PRODH2: variants seen among roughly 807,000 people sequenced by gnomAD.
PRODH2 encodes proline dehydrogenase 2.
A neutral mutation model predicts 51.9 loss-of-function variants in PRODH2; 49 were observed. The ratio of observed to expected loss-of-function variants is 0.94; its 90% CI spans 0.75 to 1.20. The LOEUF is 1.20. Ranked by LOEUF, PRODH2 falls within the 50% of genes most tolerant of loss-of-function variation. PRODH2 has a pLI of 0.00. For missense variants in PRODH2, 597 were observed against 610.9 expected, an observed-to-expected ratio of 0.98 and a Z score of 0.24; for synonymous variants, 249 against 260.7, an observed-to-expected ratio of 0.96 and a Z score of 0.43.
chr19:35,807,258 CTG>C, intron 4 of PRODH2, 137 bp from the exon 5 acceptor site: 1 of 801,816 alleles, frequency 1.2e-6, no homozygotes, highest in Non-Finnish European at 2.0e-6. Flanking sequence ...TCACCACCTA[CTG>C]TGTGACCTTG....
chr19:35,804,852 C>T (rs1972487211), intron 7 of PRODH2, among the ~76,000 whole-genome samples: 1 of 152,134 alleles, frequency 6.6e-6, no homozygotes, highest in Non-Finnish European at 1.5e-5. Context: ...GGGAGGATGG[C>T]TTGGGCCTGG....
chr19:35,806,931 G>A (rs1254379602), intron 5 of PRODH2, 101 bp from the exon 6 acceptor site: 6 of 1,544,468 alleles, frequency 3.9e-6, no homozygotes, highest in Admixed American at 2.0e-5. Flanking sequence ...CGATGCAGGC[G>A]GCTGAGGGAG....
chr19:35,810,866 T>A (rs979000909), intron 4 of PRODH2, among the ~76,000 whole-genome samples: 43 of 152,148 alleles, frequency 2.8e-4, no homozygotes, highest in Non-Finnish European at 2.4e-4. Flanking sequence ...AGTGTGTGTA[T>A]TGGTTAAGGT....
chr19:35,800,861 T>G (rs1972412923), intron 9 of PRODH2, among the ~76,000 whole-genome samples: 1 of 152,078 alleles, frequency 6.6e-6, no homozygotes, highest in Admixed American at 6.6e-5. Context: ...CCCAGCTAAC[T>G]GTTTTTATTT....
rs923013604 is a variant in PRODH2 at position 35,806,838 on chromosome 19, C to T, written c.679-8G>A. 17 of 1,588,074 alleles carry T rather than the reference C, an allele frequency of 1.1e-5. No individual in the cohort carries two copies. The highest frequency in any genetic ancestry group is 2.3e-5 in the South Asian group (2 of 88,022). On this transcript the variant is annotated splice_region_variant and splice_polypyrimidine_tract_variant and intron_variant, in intron 5 of 9. Transcript: ENST00000653904. The stretch of plus-strand genomic sequence containing the variant: ...GTGCTGGGCCCGGGCATACTGATGG[C>T]GACAGAGACGACGGTCAGGGCCCCG...
intron 9 of PRODH2, 37 bp downstream of exon 9, chr19:35,802,154 C>G (rs769688634): frequency 5.0e-6 from 8 of 1,594,978 alleles, no homozygotes; most frequent in Non-Finnish European, 6.9e-6. Context: ...GGAGTAAGGC[C>G]TGGGGCTTGA....
intron 7 of PRODH2, among the ~76,000 whole-genome samples, chr19:35,805,435 T>G (rs1393622368): frequency 6.6e-6 from 1 of 151,840 alleles, no homozygotes; most frequent in African/African-American, 2.4e-5. Context: ...CCCGGCTAAT[T>G]TTTGTATTTT....
intron 8 of PRODH2, among the ~76,000 whole-genome samples, chr19:35,802,724 T>G (rs1326440586): frequency 1.3e-5 from 2 of 151,904 alleles, no homozygotes; most frequent in East Asian, 1.9e-4. Flanking sequence ...CCCAGCTGTT[T>G]TTTTTTTTTT....
intron 4 of PRODH2, 112 bp downstream of exon 4, chr19:35,811,850 T>C: frequency 9.6e-7 from 1 of 1,036,618 alleles, no homozygotes; most frequent in Non-Finnish European, 1.4e-6. Context: ...GCACTTCTGC[T>C]GGCTGTTCCA....
chr19:35,803,296 C>A (rs1400582911), intron 7 of PRODH2, among the ~76,000 whole-genome samples: 1 of 152,140 alleles, frequency 6.6e-6, no homozygotes, highest in African/African-American at 2.4e-5. Context: ...ACTCTGTTGC[C>A]CAGGCTGGAA....
At chr19:35,810,937 T>C (rs1016095766) in intron 4 of PRODH2, among the ~76,000 whole-genome samples, 3 of 152,158 alleles carry the variant, frequency 2.0e-5, no homozygotes, top group African/African-American at 7.2e-5. Flanking sequence ...AGAAAAAAAG[T>C]ACTGCGAATA....
Position 35,812,418 on chromosome 19 carries a change from G to A in PRODH2, c.313C>T (p.Leu105Phe). 2 of 1,614,248 alleles carry A rather than the reference G, an allele frequency of 1.2e-6. No homozygotes were observed. The highest frequency in any genetic ancestry group is 2.2e-5 in the East Asian group (1 of 44,888). The change falls in exon 2 of 10, where the codon CTC becomes TTC. Residue 105 changes from leucine to phenylalanine, a missense_variant. Physicochemically the swap from Leu to Phe is conservative, Grantham distance 22. Transcript: ENST00000653904. Reference protein sequence around the residue: ...GCVQQLRTLSLRPLLAVPTEE... With the variant: ...GCVQQLRTLSFRPLLAVPTEE... ...GTGGGCACTGCCAGCAGTGGTCGGA[G>A]GCTGAGGGTCCGCAGCTGCTGCACG...
At chr19:35,804,505 G>C (rs79443862) in intron 7 of PRODH2, among the ~76,000 whole-genome samples, 1 of 152,218 alleles carries the variant, frequency 6.6e-6, no homozygotes, top group Admixed American at 6.5e-5. Context: ...TAACAGAGTG[G>C]GGAGACTGAA....
intron 9 of PRODH2, among the ~76,000 whole-genome samples, chr19:35,801,240 C>T (rs1972421390): frequency 6.6e-6 from 1 of 151,742 alleles, no homozygotes; most frequent in Non-Finnish European, 1.5e-5. Context: ...CCAAGGCAGG[C>T]AGATCACCTG....
chr19:35,802,560 T>C, intron 8 of PRODH2: 1 of 499,194 alleles, frequency 2.0e-6, no homozygotes, highest in Admixed American at 3.2e-5. Context: ...TTAATGTGTT[T>C]GTTTGTTTGT....
At chr19:35,803,757 A>G (rs1972468047) in intron 7 of PRODH2, among the ~76,000 whole-genome samples, 1 of 152,230 alleles carries the variant, frequency 6.6e-6, no homozygotes, top group Non-Finnish European at 1.5e-5. Context: ...AAATGTCCAT[A>G]AATGGGGAAC....
At chr19:35,812,606 G>T (rs777145192) in intron 1 of PRODH2, 26 bp downstream of exon 1, 23 of 1,599,078 alleles carry the variant, frequency 1.4e-5, no homozygotes, top group Non-Finnish European at 2.0e-5. Context: ...GGAGCCTCCA[G>T]GCTGGTCCTC....
chr19:35,805,746 T>C (rs1395320646), intron 7 of PRODH2, among the ~76,000 whole-genome samples: 1 of 152,204 alleles, frequency 6.6e-6, no homozygotes, highest in Non-Finnish European at 1.5e-5. Context: ...AAACGTGCCC[T>C]GGAGCCCCTG....
At chr19:35,802,152 G>A (rs746131320) in intron 9 of PRODH2, 39 bp downstream of exon 9, 2 of 1,584,856 alleles carry the variant, frequency 1.3e-6, no homozygotes, top group South Asian at 1.1e-5. Flanking sequence ...AGGGAGTAAG[G>A]CCTGGGGCTT....
Sources: allele counts gnomAD v4.1 joint callset (sites outside exome capture counted in the v4.1 genomes callset), GRCh38; gene constraint gnomAD v4.1.1; transcripts MANE v1.5; gene names NCBI Gene and HGNC (gene_info 2026-07-23, HGNC 2026-07-21).